SRC: variants seen among roughly 807,000 people sequenced by gnomAD.
SRC encodes the protein SRC proto-oncogene, non-receptor tyrosine kinase.
Under a neutral mutation model 62.9 loss-of-function variants are expected in SRC, and 13 were observed. That is an observed-to-expected ratio of 0.21 (90% CI 0.13 to 0.33). The LOEUF (loss-of-function observed/expected upper bound fraction) is 0.33. Among genes scored for constraint, SRC ranks in the 10% least tolerant of loss-of-function variants. The pLI is 1.00. For synonymous variants in SRC, 302 were observed against 317.5 expected (o/e 0.95, Z 0.52); for missense variants, 457 against 737.3 (o/e 0.62, Z 4.40).
At chr20:37,395,950 C>T (rs956750861) in intron 7 of SRC, among the ~76,000 whole-genome samples, 2 of 152,294 alleles carry the variant, frequency 1.3e-5, no homozygotes, top group African/African-American at 4.8e-5. Context: ...GCCAAGGGTG[C>T]GTGGCAGGAC....
intron 1 of SRC, among the ~76,000 whole-genome samples, chr20:37,356,548 C>T (rs2069884658): frequency 6.6e-6 from 1 of 152,068 alleles, no homozygotes; most frequent in African/African-American, 2.4e-5. Flanking sequence ...GCTTCTGCCC[C>T]TGGGTCCTTC....
rs201680915 is a variant in SRC at position 37,396,134 on chromosome 20, G to C, written c.554-28G>C. On this transcript the variant is annotated intron_variant, in intron 7 of 13. Transcript: ENST00000373578. This position sits in a 1 kb window ranked among gnomAD's most constrained non-coding sequence, Gnocchi z 6.1. Reference sequence around the variant, plus strand: ...GGCCTGCGGGGGGAGAGGGCATGGCGGTCACGGCTCCCCTCGGTGCCCCGC... The same window carrying C: ...GGCCTGCGGGGGGAGAGGGCATGGCCGTCACGGCTCCCCTCGGTGCCCCGC... 4 of 1,606,778 alleles carry C rather than the reference G, an allele frequency of 2.5e-6. No individual in the cohort carries two copies. Among genetic ancestry groups the C allele is most frequent in the South Asian group, 1.1e-5 (1 of 90,898 alleles).
intron 1 of SRC, among the ~76,000 whole-genome samples, chr20:37,358,843 C>T (rs940856240): frequency 3.9e-5 from 6 of 152,266 alleles, no homozygotes; most frequent in African/African-American, 7.2e-5. Context: ...CCCGGCCTGC[C>T]GTCTCCACCC....
At chr20:37,386,441 C>G in intron 5 of SRC, 1 of 717,312 alleles carries the variant, frequency 1.4e-6, no homozygotes, top group Non-Finnish European at 2.6e-6. Context: ...CTCTCTGCTT[C>G]TCTCTCGCTG....
At chr20:37,373,552 C>T (rs1217058005) in intron 2 of SRC, among the ~76,000 whole-genome samples, 2 of 152,128 alleles carry the variant, frequency 1.3e-5, no homozygotes, top group Non-Finnish European at 2.9e-5. Context: ...CTCAAACAAC[C>T]CTCCTGCCTT....
At chr20:37,349,549 G>C (rs2069770628) in intron 1 of SRC, among the ~76,000 whole-genome samples, 2 of 152,238 alleles carry the variant, frequency 1.3e-5, no homozygotes, top group Non-Finnish European at 2.9e-5. Flanking sequence ...TTGGATTAGG[G>C]TTAAAGGAGG....
chr20:37,379,880 A>G (rs1284068257), intron 2 of SRC, among the ~76,000 whole-genome samples: 4 of 131,006 alleles, frequency 3.1e-5, no homozygotes, highest in Admixed American at 2.3e-4. Flanking sequence ...TGGGCAATAG[A>G]GTGAGACTCC....
chr20:37,381,837 T>C (rs2070369104), intron 2 of SRC, among the ~76,000 whole-genome samples: 1 of 152,176 alleles, frequency 6.6e-6, no homozygotes, highest in Non-Finnish European at 1.5e-5. Context: ...CCCAGGTCCA[T>C]TGACTTGTCC....
chr20:37,375,626 C>T (rs1236106750), intron 2 of SRC, among the ~76,000 whole-genome samples: 1 of 151,388 alleles, frequency 6.6e-6, no homozygotes, highest in East Asian at 2.0e-4. Context: ...CCGTCTGCCT[C>T]AGCCTCCCAA....
At chr20:37,392,243 C>G (rs558021865) in intron 5 of SRC, among the ~76,000 whole-genome samples, 1 of 152,316 alleles carries the variant, frequency 6.6e-6, no homozygotes, top group African/African-American at 2.4e-5. Flanking sequence ...GGAGGGGACA[C>G]AACACCCTCT....
At chr20:37,390,060 G>A (rs1414046081) in intron 5 of SRC, among the ~76,000 whole-genome samples, 1 of 152,174 alleles carries the variant, frequency 6.6e-6, no homozygotes, top group Non-Finnish European at 1.5e-5. Context: ...CCATTTCACA[G>A]GTGGGCAAAC....
Position 37,402,611 on chromosome 20 carries a change from G to A in SRC, c.1270+23G>A, listed in dbSNP as rs760680054. The A allele has an allele frequency of 8.8e-6, 14 of 1,598,984 alleles. No individual in the cohort carries two copies. The highest frequency in any genetic ancestry group is 8.5e-5 in the Admixed American group (5 of 58,776). On this transcript the variant is annotated intron_variant, in intron 12 of 13. Coordinates refer to ENST00000373578, the MANE Select transcript of SRC (RefSeq NM_198291.3). This position sits in a 1 kb window ranked among gnomAD's most constrained non-coding sequence, Gnocchi z 6.2. ...AAGGTGGGCAGGGGCTGTGTGGTATGTCGCGCTTGGCCTGGGACAGGTCAC... is the reference window on the plus strand; with the variant it reads ...AAGGTGGGCAGGGGCTGTGTGGTATATCGCGCTTGGCCTGGGACAGGTCAC...
At chr20:37,366,955 T>G (rs1299725769) in intron 2 of SRC, among the ~76,000 whole-genome samples, 1 of 152,210 alleles carries the variant, frequency 6.6e-6, no homozygotes, top group African/African-American at 2.4e-5. Flanking sequence ...CAGACTGTTT[T>G]GCAAAGCAGC....
At chr20:37,387,505 T>C (rs2070475520) in intron 5 of SRC, among the ~76,000 whole-genome samples, 1 of 144,976 alleles carries the variant, frequency 6.9e-6, no homozygotes, top group Non-Finnish European at 1.5e-5. Context: ...AAAGCCAGGA[T>C]TGGAACCGAA....
intron 6 of SRC, 44 bp downstream of exon 6, chr20:37,394,037 C>G: frequency 6.3e-7 from 1 of 1,592,352 alleles, no homozygotes; most frequent in East Asian, 2.2e-5. Flanking sequence ...TCCCTGGACA[C>G]TGCCGGTGCA....
At chr20:37,373,163 CAT>C (rs757398427) in intron 2 of SRC, among the ~76,000 whole-genome samples, 47 of 151,342 alleles carry the variant, frequency 3.1e-4, no homozygotes, top group African/African-American at 9.5e-4. Context: ...CACATACACA[CAT>C]ATATGTACAC....
chr20:37,363,783 G>A (rs548393449), intron 1 of SRC, among the ~76,000 whole-genome samples: 1 of 152,304 alleles, frequency 6.6e-6, no homozygotes, highest in East Asian at 1.9e-4. Flanking sequence ...CTGGGTGGCC[G>A]TCCCGGTTAG....
At chr20:37,380,330 T>C (rs926181981) in intron 2 of SRC, among the ~76,000 whole-genome samples, 19 of 152,164 alleles carry the variant, frequency 1.2e-4, no homozygotes, top group African/African-American at 4.3e-4. Flanking sequence ...CTGCCCAGTG[T>C]GGTGGCCCCT....
chr20:37,388,627 G>T (rs1320440898), intron 5 of SRC, among the ~76,000 whole-genome samples: 1 of 151,902 alleles, frequency 6.6e-6, no homozygotes, highest in Non-Finnish European at 1.5e-5. Context: ...GCATGCCAGT[G>T]GTCCCAGCTA....
Sources: gnomAD v4.1 joint callset for allele counts (sites outside exome capture counted in the v4.1 genomes callset) on GRCh38, gnomAD v4.1.1 for gene constraint, Gnocchi (gnomAD v3.1) non-coding constraint, MANE v1.5 for transcripts, NCBI Gene and HGNC (gene_info 2026-07-23, HGNC 2026-07-21) for gene names.